SHANK2: variants seen among roughly 807,000 people sequenced by gnomAD.
SHANK2 encodes the protein SH3 and multiple ankyrin repeat domains protein 2.
In SHANK2, 43 loss-of-function variants were observed where a neutral mutation model predicts 133.7. That is an observed-to-expected ratio of 0.32 (90% CI 0.25 to 0.41). The LOEUF is 0.41. Among genes scored for constraint, SHANK2 ranks in the 10% least tolerant of loss-of-function variants. The pLI, the probability that SHANK2 is intolerant of heterozygous loss-of-function variation, is 1.00. For synonymous variants in SHANK2, 1,017 were observed against 952.8 expected (o/e 1.07, Z -1.24); for missense variants, 1,994 against 2,235.8 (o/e 0.89, Z 2.18).
chr11:70,843,523 G>A (rs534037754), intron 11 of SHANK2, among the ~76,000 whole-genome samples: 17 of 152,144 alleles, frequency 1.1e-4, no homozygotes, highest in Middle Eastern at 3.4e-3. Flanking sequence ...ACTAGGGTGG[G>A]CCCAAATCCA....
At chr11:70,550,559 C>T (rs529182043) in intron 17 of SHANK2, among the ~76,000 whole-genome samples, 9 of 152,334 alleles carry the variant, frequency 5.9e-5, no homozygotes, top group East Asian at 1.9e-4. Flanking sequence ...GATCTGCTGG[C>T]GAGGCCTCCG....
intron 13 of SHANK2, among the ~76,000 whole-genome samples, chr11:70,801,383 G>T (rs1371915292): frequency 6.6e-6 from 1 of 152,194 alleles, no homozygotes; most frequent in Non-Finnish European, 1.5e-5. Flanking sequence ...GAGGGTGCAG[G>T]GGAATGGAGG....
At chr11:70,919,803 T>C (rs1950323000) in intron 10 of SHANK2, among the ~76,000 whole-genome samples, 1 of 152,218 alleles carries the variant, frequency 6.6e-6, no homozygotes, top group Non-Finnish European at 1.5e-5. Context: ...CTTCTATGAG[T>C]TCAACTTGTT....
intron 17 of SHANK2, among the ~76,000 whole-genome samples, chr11:70,616,980 G>A (rs1185693217): frequency 6.6e-6 from 1 of 152,178 alleles, no homozygotes; most frequent in Admixed American, 6.5e-5. Context: ...CAGTGTCTGA[G>A]AGTGTGTTGT....
At chr11:71,082,205 G>C (rs1280049739) in intron 8 of SHANK2, among the ~76,000 whole-genome samples, 1 of 152,192 alleles carries the variant, frequency 6.6e-6, no homozygotes, top group African/African-American at 2.4e-5. Context: ...GAGCTCCTGG[G>C]CTCTCCACCT....
chr11:70,497,850 T>C (rs571848268), intron 21 of SHANK2, among the ~76,000 whole-genome samples: 1 of 152,328 alleles, frequency 6.6e-6, no homozygotes, highest in East Asian at 1.9e-4. Flanking sequence ...TGGCTGAGTC[T>C]CCTGGAAAAT....
At position 71,252,455 on chromosome 11, in the gene SHANK2, C is replaced by G. The variant is rs537522552; in HGVS notation, c.-143G>C. 7.3e-5 allele frequency: 11 copies of G among 151,568 alleles called. No homozygotes were observed. The highest frequency in any genetic ancestry group is 1.9e-4 in the African/African-American group (8 of 41,336). 9.4% of individuals were successfully genotyped at this position (151,568 alleles called of 1,614,324 possible). Reference sequence around the variant, plus strand: ...TCGGCGAGTCGGGGGCGGGTCCGAGCCCCCCGGGAGCGCCAGCGTCCGCGC... The same window carrying G: ...TCGGCGAGTCGGGGGCGGGTCCGAGGCCCCCGGGAGCGCCAGCGTCCGCGC... On this transcript the variant is annotated 5_prime_UTR_variant, in exon 1 of 26. Transcript: ENST00000601538. This position sits in a 1 kb window ranked among gnomAD's most constrained non-coding sequence, Gnocchi z 6.3.
intron 14 of SHANK2, among the ~76,000 whole-genome samples, chr11:70,761,319 A>G (rs1047508102): frequency 6.6e-6 from 1 of 152,274 alleles, no homozygotes; most frequent in South Asian, 2.1e-4. Flanking sequence ...ACGGGGGCAT[A>G]GCGAGGAGGT....
rs187307461 is a variant in SHANK2 at position 70,475,222 on chromosome 11, G to T, written c.4980-1783C>A. ...AAACCACCTGGGACACTGGTGGGCCGTGAGGACTCCTGAGCTCGTCTCAAA... is the reference window on the plus strand; with the variant it reads ...AAACCACCTGGGACACTGGTGGGCCTTGAGGACTCCTGAGCTCGTCTCAAA... On this transcript the variant is annotated intron_variant, in intron 25 of 25. Transcript: ENST00000601538. 5 of 152,324 alleles carry T rather than the reference G, an allele frequency of 3.3e-5. No individual in the cohort carries two copies. The South Asian group carries it at 1.0e-3, about 32-fold the overall frequency. 9.4% of individuals were successfully genotyped at this position (152,324 alleles called of 1,614,324 possible). A position where few individuals can be genotyped will look rare whatever the true frequency, so the allele number is the denominator to read the frequency against.
At chr11:70,576,876 G>C (rs1248616109) in intron 17 of SHANK2, among the ~76,000 whole-genome samples, 1 of 152,238 alleles carries the variant, frequency 6.6e-6, no homozygotes, top group Non-Finnish European at 1.5e-5. Context: ...GGACTGTGAG[G>C]GGGGCCATGA....
At chr11:71,088,031 T>C (rs1951442127) in intron 8 of SHANK2, among the ~76,000 whole-genome samples, 1 of 152,206 alleles carries the variant, frequency 6.6e-6, no homozygotes, top group African/African-American at 2.4e-5. Flanking sequence ...TGGGCGCTCC[T>C]GTCTTCATGA....
rs76723238 is a variant in SHANK2, at chr11:70,507,126, C to T, written c.2062-4195G>A. ...GGGCCTCCCACTTGCATGCGGCATC[C>T]TCCCCTGCTGTTAGCTGAGGCTGTG... On this transcript the variant is annotated intron_variant, in intron 17 of 25. Transcript: ENST00000601538. Among the ~76,000 whole-genome samples the T allele has an allele frequency of 3.1e-3, 468 of 152,358 alleles. 7 individuals are homozygous for T. Among genetic ancestry groups the T allele is most frequent in the African/African-American group, 0.011 (453 of 41,574 alleles).
intron 6 of SHANK2, among the ~76,000 whole-genome samples, chr11:71,104,831 A>C (rs932994552): frequency 2.6e-5 from 4 of 152,258 alleles, no homozygotes; most frequent in Non-Finnish European, 2.9e-5. Flanking sequence ...GCTGGGAAGC[A>C]GGGTGGTGTG....
chr11:71,147,303 G>C lies in SHANK2; in HGVS notation c.24C>G (p.Ser8Arg). 2 of 1,550,832 alleles carry C rather than the reference G, an allele frequency of 1.3e-6. No individual in the cohort carries two copies. Among genetic ancestry groups the C allele is most frequent in the Non-Finnish European group, 1.7e-6 (2 of 1,146,860 alleles). Residue 8 changes from serine to arginine, a missense_variant, in exon 3 of 26, where the codon AGC becomes AGG. Ser to Arg is a moderately radical substitution (Grantham distance 110). Coordinates refer to ENST00000601538, the MANE Select transcript of SHANK2 (RefSeq NM_012309.5). Reference protein sequence around the residue: MPRSPTSSEDEMAQSFSD... With the variant: MPRSPTSREDEMAQSFSD... ...AGAAGCTCTGGGCCATCTCGTCCTC[G>C]CTGGATGTTGGGCTGCGCGGCATGG...
intron 12 of SHANK2, 42 bp downstream of exon 12, chr11:70,820,322 C>T (rs782561625): frequency 5.0e-6 from 3 of 598,202 alleles, no homozygotes; most frequent in African/African-American, 3.8e-5. Flanking sequence ...GGACCCCCAG[C>T]ACGTGGCGGT....
At chr11:70,599,646 G>T (rs1298999739) in intron 17 of SHANK2, among the ~76,000 whole-genome samples, 2 of 99,868 alleles carry the variant, frequency 2.0e-5, no homozygotes, top group African/African-American at 4.4e-5. Context: ...AAAAAAATTG[G>T]CTGGGTGTGG....
chr11:70,489,915 C>A (rs1565532734), intron 23 of SHANK2: 2 of 339,218 alleles, frequency 5.9e-6, no homozygotes, highest in Non-Finnish European at 1.1e-5. Flanking sequence ...AGGGAACCCA[C>A]TTACCCTTCC....
At chr11:71,174,482 C>A (rs1039885630) in intron 2 of SHANK2, among the ~76,000 whole-genome samples, 1 of 151,934 alleles carries the variant, frequency 6.6e-6, no homozygotes, top group East Asian at 1.9e-4. Context: ...GAGTTTGAGA[C>A]CAGCTTGGCC....
intron 17 of SHANK2, among the ~76,000 whole-genome samples, chr11:70,521,984 C>G (rs538669119): frequency 6.6e-6 from 1 of 152,208 alleles, no homozygotes; most frequent in Non-Finnish European, 1.5e-5. Flanking sequence ...TCTAATTTTC[C>G]GAGTGCACCT....
Sources: allele counts gnomAD v4.1 joint callset (sites outside exome capture counted in the v4.1 genomes callset), GRCh38; gene constraint gnomAD v4.1.1; non-coding constraint Gnocchi (gnomAD v3.1); transcripts MANE v1.5; gene names NCBI Gene and HGNC (gene_info 2026-07-23, HGNC 2026-07-21).